The following FRMD4A variants were observed in gnomAD, a reference collection of about 807,000 sequenced individuals.
FRMD4A encodes FERM domain-containing protein 4A.
Under a neutral mutation model 129.1 loss-of-function variants are expected in FRMD4A, and 29 were observed. The observed-to-expected ratio is 0.22, with a 90% CI of 0.17 to 0.31. FRMD4A has a LOEUF of 0.31. FRMD4A is among the 10% of genes least tolerant of loss of function. FRMD4A has a pLI of 1.00. For synonymous variants in FRMD4A, 634 were observed against 571.6 expected, an observed-to-expected ratio of 1.11 and a Z score of -1.56; for missense variants, 1,272 against 1,375.8, an observed-to-expected ratio of 0.92 and a Z score of 1.19.
chr10:13,698,423 A>C (rs1195475999), intron 14 of FRMD4A, among the ~76,000 whole-genome samples: 1 of 152,094 alleles, frequency 6.6e-6, no homozygotes, highest in Non-Finnish European at 1.5e-5. Context: ...GTCGGCCATC[A>C]CTCACCCAGA....
intron 2 of FRMD4A, among the ~76,000 whole-genome samples, chr10:14,094,224 G>T (rs570241454): frequency 6.6e-6 from 1 of 152,218 alleles, no homozygotes; most frequent in Non-Finnish European, 1.5e-5. Context: ...GAACCCAAAT[G>T]CCAGACGACA....
chr10:13,811,136 GTTTT>G (rs796100744), intron 3 of FRMD4A, among the ~76,000 whole-genome samples: 1 of 143,980 alleles, frequency 6.9e-6, no homozygotes, highest in African/African-American at 2.5e-5. Flanking sequence ...TCCTAGAAGG[GTTTT>G]TTTTTTTTTA....
intron 2 of FRMD4A, among the ~76,000 whole-genome samples, chr10:14,106,339 G>C (rs74122481): frequency 0.01 from 1,588 of 152,192 alleles, 23 homozygotes; most frequent in African/African-American, 0.036. Context: ...TAATTTCTTT[G>C]CTTCCTGGTG....
intron 2 of FRMD4A, among the ~76,000 whole-genome samples, chr10:14,265,353 A>G (rs919475593): frequency 9.9e-5 from 15 of 152,186 alleles, no homozygotes; most frequent in Non-Finnish European, 1.5e-4. Context: ...ATCCTTGGCT[A>G]TGTCTCTAGG....
chr10:14,173,280 G>A (rs1841568343), intron 2 of FRMD4A, among the ~76,000 whole-genome samples: 1 of 152,102 alleles, frequency 6.6e-6, no homozygotes, highest in South Asian at 2.1e-4. Context: ...CACCTTCATC[G>A]TCTGAGCTTA....
intron 2 of FRMD4A, among the ~76,000 whole-genome samples, chr10:14,183,020 T>C (rs995886174): frequency 6.6e-6 from 1 of 151,974 alleles, no homozygotes; most frequent in African/African-American, 2.4e-5. Flanking sequence ...GGGGTGGAGA[T>C]GTGTAGGAGG....
At chr10:14,315,118 C>T (rs919939026) in intron 2 of FRMD4A, among the ~76,000 whole-genome samples, 1 of 151,918 alleles carries the variant, frequency 6.6e-6, no homozygotes, top group Non-Finnish European at 1.5e-5. Context: ...TTTACGGACT[C>T]TCCTTCCACT....
intron 2 of FRMD4A, among the ~76,000 whole-genome samples, chr10:14,078,891 T>C (rs1333085325): frequency 6.6e-6 from 1 of 152,194 alleles, no homozygotes; most frequent in Non-Finnish European, 1.5e-5. Flanking sequence ...TGTGTGATGC[T>C]TGTGTTAAGG....
At chr10:14,106,343 C>T (rs2131784450) in intron 2 of FRMD4A, among the ~76,000 whole-genome samples, 1 of 152,228 alleles carries the variant, frequency 6.6e-6, no homozygotes, top group Non-Finnish European at 1.5e-5. Flanking sequence ...TTCTTTGCTT[C>T]CTGGTGTGAC....
At chr10:14,224,856 G>C (rs2131978176) in intron 2 of FRMD4A, among the ~76,000 whole-genome samples, 1 of 152,286 alleles carries the variant, frequency 6.6e-6, no homozygotes, top group African/African-American at 2.4e-5. Flanking sequence ...AGTCTAACTT[G>C]CAACTGATGT....
intron 15 of FRMD4A, among the ~76,000 whole-genome samples, chr10:13,687,829 C>T (rs1436215283): frequency 6.6e-6 from 1 of 152,190 alleles, no homozygotes; most frequent in Admixed American, 6.5e-5. Flanking sequence ...GCGGGTTCCA[C>T]GACTTTCCTC....
At chr10:13,717,223 C>G (rs2088896627) in intron 12 of FRMD4A, among the ~76,000 whole-genome samples, 1 of 152,178 alleles carries the variant, frequency 6.6e-6, no homozygotes, top group Admixed American at 6.6e-5. Flanking sequence ...CTGAGAAATA[C>G]TTGGTACATC....
At chr10:14,321,056 T>C (rs2132120104) in intron 2 of FRMD4A, among the ~76,000 whole-genome samples, 1 of 152,348 alleles carries the variant, frequency 6.6e-6, no homozygotes, top group African/African-American at 2.4e-5. Context: ...TTTCAATGTG[T>C]TATTTTTATT....
At chr10:13,949,498 T>C (rs563778472) in intron 2 of FRMD4A, among the ~76,000 whole-genome samples, 1 of 152,302 alleles carries the variant, frequency 6.6e-6, no homozygotes, top group Non-Finnish European at 1.5e-5. Context: ...AAATACATCA[T>C]GGGTCTTAAA....
chr10:13,729,644 C>T (rs941356402), intron 12 of FRMD4A: 1 of 152,210 alleles, frequency 6.6e-6, no homozygotes. Context: ...TTAGGAATCA[C>T]TGGAAGCCAC....
chr10:14,222,954 G>A (rs1843311996), intron 2 of FRMD4A, among the ~76,000 whole-genome samples: 1 of 152,134 alleles, frequency 6.6e-6, no homozygotes, highest in Non-Finnish European at 1.5e-5. Flanking sequence ...CTGGCATAGT[G>A]GCTCATGCCT....
intron 2 of FRMD4A, among the ~76,000 whole-genome samples, chr10:14,287,496 A>G (rs1218451): frequency 0.52 from 79,044 of 152,026 alleles, 21,287 homozygotes; most frequent in African/African-American, 0.67. Flanking sequence ...CCACATAAAT[A>G]TTTCAAAAGA....
chr10:14,294,676 T>G (rs1396045700), intron 2 of FRMD4A, among the ~76,000 whole-genome samples: 2 of 152,242 alleles, frequency 1.3e-5, no homozygotes, highest in Non-Finnish European at 2.9e-5. Flanking sequence ...TGCGTTAACC[T>G]GCTGACACTA....
At chr10:13,675,473 C>T (rs1198997972) in intron 15 of FRMD4A, among the ~76,000 whole-genome samples, 1 of 152,182 alleles carries the variant, frequency 6.6e-6, no homozygotes, top group African/African-American at 2.4e-5. Flanking sequence ...ATGATCTCGG[C>T]TCGCTGCAAC....
Sources: gnomAD v4.1 joint callset for allele counts (sites outside exome capture counted in the v4.1 genomes callset) on GRCh38, gnomAD v4.1.1 for gene constraint, MANE v1.5 for transcripts, NCBI Gene and HGNC (gene_info 2026-07-23, HGNC 2026-07-21) for gene names.